PPP1R12B: variants seen among roughly 807,000 people sequenced by gnomAD.
PPP1R12B encodes protein phosphatase 1 regulatory subunit 12B.
Under a neutral mutation model 126.1 loss-of-function variants are expected in PPP1R12B, and 76 were observed. The ratio of observed to expected loss-of-function variants is 0.60; its 90% CI spans 0.50 to 0.73. PPP1R12B has a LOEUF of 0.73. PPP1R12B is among the 30% of genes least tolerant of loss of function. The pLI, the probability that PPP1R12B is intolerant of heterozygous loss-of-function variation, is 0.00. For missense variants in PPP1R12B, 1,052 were observed against 1,205.1 expected (o/e 0.87, Z 1.88); for synonymous variants, 356 against 434.7 (o/e 0.82, Z 2.25).
chr1:202,357,971 C>T (rs1449707387), intron 1 of PPP1R12B, among the ~76,000 whole-genome samples: 1 of 152,094 alleles, frequency 6.6e-6, no homozygotes, highest in Admixed American at 6.6e-5. Context: ...CATTCTGGCT[C>T]TTGAGGAGTG....
At chr1:202,420,979 T>TTTTTTTA in intron 2 of PPP1R12B, among the ~76,000 whole-genome samples, 1 of 145,374 alleles carries the variant, frequency 6.9e-6, no homozygotes, top group African/African-American at 2.6e-5. Flanking sequence ...TTTTTTTTTT[T>TTTTTTTA]TTTTTTTTTG....
At chr1:202,519,742 C>T (rs565015625) in intron 18 of PPP1R12B, among the ~76,000 whole-genome samples, 7 of 152,000 alleles carry the variant, frequency 4.6e-5, no homozygotes, top group Non-Finnish European at 5.9e-5. Context: ...TTGCTGCATG[C>T]TCCTTAGTTT....
At chr1:202,477,869 A>G (rs948276295) in intron 13 of PPP1R12B, among the ~76,000 whole-genome samples, 1 of 152,234 alleles carries the variant, frequency 6.6e-6, no homozygotes, top group Non-Finnish European at 1.5e-5. Context: ...CCTGCCCTCT[A>G]GGAAACATAG....
At chr1:202,454,652 G>A (rs1673390766) in intron 13 of PPP1R12B, among the ~76,000 whole-genome samples, 1 of 152,170 alleles carries the variant, frequency 6.6e-6, no homozygotes, top group Non-Finnish European at 1.5e-5. Context: ...TTCCCTTCTT[G>A]GCCAGGTATG....
At chr1:202,369,580 C>G in intron 1 of PPP1R12B, 1 of 177,104 alleles carries the variant, frequency 5.6e-6, no homozygotes, top group South Asian at 1.3e-4. Flanking sequence ...TTTCTGCCTT[C>G]TTCTTAGTGC....
chr1:202,477,099 T>C (rs555166669), intron 13 of PPP1R12B, among the ~76,000 whole-genome samples: 2 of 152,274 alleles, frequency 1.3e-5, no homozygotes, highest in African/African-American at 4.8e-5. Flanking sequence ...ATGAATATTG[T>C]AGCACACCTA....
chr1:202,414,401 A>G (rs1372840825), intron 1 of PPP1R12B, among the ~76,000 whole-genome samples: 1 of 152,230 alleles, frequency 6.6e-6, no homozygotes, highest in Non-Finnish European at 1.5e-5. Context: ...ATTTTCTAAC[A>G]CTATGCATTT....
intron 18 of PPP1R12B, among the ~76,000 whole-genome samples, chr1:202,532,104 C>G (rs1466688810): frequency 6.6e-6 from 1 of 152,224 alleles, no homozygotes; most frequent in Non-Finnish European, 1.5e-5. Flanking sequence ...ATTTCCAGAA[C>G]TGAGGGTTCC....
intron 1 of PPP1R12B, among the ~76,000 whole-genome samples, chr1:202,366,062 C>T (rs1659170787): frequency 1.3e-5 from 2 of 152,220 alleles, no homozygotes; most frequent in Admixed American, 1.3e-4. Context: ...TTTAGCATTC[C>T]ATTACTACTG....
rs116314546 is a variant in PPP1R12B at position 202,440,129 on chromosome 1, A to C, written c.1459-577A>C. Among the ~76,000 whole-genome samples, 1,064 of 152,002 alleles carry C rather than the reference A, an allele frequency of 7.0e-3. 12 individuals carry two copies. Among genetic ancestry groups the C allele is most frequent in the African/African-American group, 0.025 (1,025 of 41,472 alleles). ...ATTCATTCAAGATTAGTAAATTTTT[A>C]TTTTCTTCACTTTTTAGTTCCAGAT... On this transcript the variant is annotated intron_variant, in intron 10 of 23. Coordinates refer to ENST00000608999, the MANE Select transcript of PPP1R12B (RefSeq NM_002481.4).
At chr1:202,485,251 G>C (rs1677933961) in intron 13 of PPP1R12B, among the ~76,000 whole-genome samples, 1 of 152,134 alleles carries the variant, frequency 6.6e-6, no homozygotes, top group Non-Finnish European at 1.5e-5. Context: ...CAGGCAGCTA[G>C]GATTGTAGTG....
At chr1:202,469,550 G>C (rs1245999159) in intron 13 of PPP1R12B, among the ~76,000 whole-genome samples, 1 of 152,144 alleles carries the variant, frequency 6.6e-6, no homozygotes, top group Non-Finnish European at 1.5e-5. Context: ...TTTGGAGGGT[G>C]ACAGAATTGT....
At chr1:202,369,069 C>A (rs531978221) in intron 1 of PPP1R12B, among the ~76,000 whole-genome samples, 1 of 152,246 alleles carries the variant, frequency 6.6e-6, no homozygotes, top group Non-Finnish European at 1.5e-5. Flanking sequence ...ATAGTTAAGA[C>A]CAGAAATATA....
At chr1:202,580,008 G>C (rs984774187) in intron 23 of PPP1R12B, among the ~76,000 whole-genome samples, 8 of 152,192 alleles carry the variant, frequency 5.3e-5, no homozygotes, top group African/African-American at 1.7e-4. Flanking sequence ...CTTTGCTCTT[G>C]TTTTTGATGA....
chr1:202,515,374 G>A (rs1457020779), intron 18 of PPP1R12B, among the ~76,000 whole-genome samples: 1 of 152,144 alleles, frequency 6.6e-6, no homozygotes, highest in Non-Finnish European at 1.5e-5. Flanking sequence ...CAATGTGACA[G>A]AAACTTAACT....
chr1:202,433,182 T>A (rs573506589), intron 8 of PPP1R12B, among the ~76,000 whole-genome samples: 92 of 152,356 alleles, frequency 6.0e-4, no homozygotes, highest in African/African-American at 2.0e-3. Context: ...ATCTTTTTGA[T>A]ATTTGATTAT....
intron 18 of PPP1R12B, among the ~76,000 whole-genome samples, chr1:202,526,880 ATAGT>A (rs763275947): frequency 8.5e-5 from 13 of 152,232 alleles, no homozygotes; most frequent in Non-Finnish European, 1.3e-4. Flanking sequence ...GAATTACAAA[ATAGT>A]TAGAGCTGAA....
chr1:202,493,355 C>T (rs1243679748), intron 15 of PPP1R12B, 38 bp downstream of exon 15: 1 of 1,582,820 alleles, frequency 6.3e-7, no homozygotes, highest in East Asian at 2.3e-5. Context: ...GTGCTAAAAG[C>T]AGGGTAATTA....
Position 202,454,482 on chromosome 1 carries a change from C to T in PPP1R12B, c.1850+5311C>T, listed in dbSNP as rs117239979. Reference sequence around the variant, plus strand: ...CCTGTTGCCAGGTGCTATGAGAAGCCCAGGTGATACATCAGTGAACCAGAC... The same window carrying T: ...CCTGTTGCCAGGTGCTATGAGAAGCTCAGGTGATACATCAGTGAACCAGAC... On this transcript the variant is annotated intron_variant, in intron 13 of 23. Transcript: ENST00000608999. Among the ~76,000 whole-genome samples the T allele has an allele frequency of 8.0e-3, 1,220 of 152,246 alleles. 53 individuals carry two copies. Among genetic ancestry groups the T allele is most frequent in the East Asian group, 0.064 (333 of 5,188 alleles).
Sources: gnomAD v4.1 joint callset for allele counts (sites outside exome capture counted in the v4.1 genomes callset) on GRCh38, gnomAD v4.1.1 for gene constraint, MANE v1.5 for transcripts, NCBI Gene and HGNC (gene_info 2026-07-23, HGNC 2026-07-21) for gene names.